CAST: variants seen among roughly 807,000 people sequenced by gnomAD.
The protein encoded by CAST is MIR583 host.
CAST carries 76 observed loss-of-function variants against 119.6 expected under a neutral mutation model. The ratio of observed to expected loss-of-function variants is 0.64; its 90% CI spans 0.53 to 0.77. The LOEUF (loss-of-function observed/expected upper bound fraction) is 0.77. Ranked by LOEUF, CAST falls within the 30% of genes least tolerant of loss-of-function variation. CAST has a pLI of 0.00. For synonymous variants in CAST, 319 were observed against 331.6 expected (o/e 0.96, Z 0.41); for missense variants, 953 against 946.5 (o/e 1.01, Z -0.09).
chr5:96,195,181 G>A, the CAST span, among the ~76,000 whole-genome samples: 2 of 152,142 alleles, frequency 1.3e-5, no homozygotes, highest in South Asian at 2.1e-4. Context: ...TCCAATAAAG[G>A]TTAACAAACT....
chr5:96,543,119 A>C (rs1177161070), intron 1 of CAST, among the ~76,000 whole-genome samples: 2 of 152,244 alleles, frequency 1.3e-5, no homozygotes, highest in East Asian at 3.8e-4. Flanking sequence ...AATAATAAAC[A>C]CTCGGAACCA....
chr5:96,262,424 C>T, the CAST span, among the ~76,000 whole-genome samples: 2 of 152,216 alleles, frequency 1.3e-5, no homozygotes. Flanking sequence ...AGATTAAAAT[C>T]AGGCTTTCAT....
chr5:96,161,710 G>A, the CAST span, among the ~76,000 whole-genome samples: 1 of 152,122 alleles, frequency 6.6e-6, no homozygotes, highest in Non-Finnish European at 1.5e-5. Flanking sequence ...CTTGTGGAGT[G>A]TTGCTATCCT....
chr5:96,649,086 G>A (rs1057424561), intron 1 of CAST, among the ~76,000 whole-genome samples: 1 of 152,092 alleles, frequency 6.6e-6, no homozygotes, highest in Non-Finnish European at 1.5e-5. Context: ...ATATAAAATT[G>A]CCTATATTCA....
the CAST span, among the ~76,000 whole-genome samples, chr5:96,382,422 G>T: frequency 4.9e-4 from 75 of 152,304 alleles, no homozygotes; most frequent in Non-Finnish European, 9.3e-4. Context: ...TCAGCATCTT[G>T]ACTACCACCC....
the CAST span, among the ~76,000 whole-genome samples, chr5:96,061,056 G>A: frequency 1.1e-4 from 17 of 152,110 alleles, no homozygotes; most frequent in African/African-American, 3.6e-4. Flanking sequence ...AGACCCAACC[G>A]TTAGGACTCC....
At chr5:96,435,942 A>G in the CAST span, among the ~76,000 whole-genome samples, 2 of 152,232 alleles carry the variant, frequency 1.3e-5, no homozygotes, top group African/African-American at 4.8e-5. Context: ...ATACTAAACA[A>G]TGTACCCAAT....
chr5:96,656,359 T>C (rs1325908900), intron 1 of CAST, among the ~76,000 whole-genome samples: 1 of 152,202 alleles, frequency 6.6e-6, no homozygotes, highest in African/African-American at 2.4e-5. Flanking sequence ...TTGAAGGCTA[T>C]AGCGTACGTC....
At chr5:96,671,644 G>A (rs1347955594) in intron 1 of CAST, among the ~76,000 whole-genome samples, 1 of 152,188 alleles carries the variant, frequency 6.6e-6, no homozygotes, top group African/African-American at 2.4e-5. Context: ...CTGGCACTGG[G>A]CCTAGCACAG....
At chr5:96,454,924 G>A in the CAST span, among the ~76,000 whole-genome samples, 1 of 152,146 alleles carries the variant, frequency 6.6e-6, no homozygotes, top group Non-Finnish European at 1.5e-5. Context: ...AGAGCCTTTG[G>A]CAAGCAACAG....
chr5:96,055,911 C>CT, the CAST span, among the ~76,000 whole-genome samples: 6 of 152,022 alleles, frequency 3.9e-5, no homozygotes, highest in Non-Finnish European at 8.8e-5. Flanking sequence ...CACAAATCAT[C>CT]TGACACATAT....
At chr5:96,039,531 A>G in the CAST span, among the ~76,000 whole-genome samples, 3 of 152,068 alleles carry the variant, frequency 2.0e-5, no homozygotes, top group African/African-American at 4.8e-5. Flanking sequence ...TCTTTTATCC[A>G]TCTTGAGTGA....
upstream of CAST, among the ~76,000 whole-genome samples, chr5:96,661,009 T>G (rs1413365042): frequency 6.6e-6 from 1 of 151,814 alleles, no homozygotes; most frequent in Non-Finnish European, 1.5e-5. Flanking sequence ...TTAAGAATGC[T>G]GCTAGCCTAT....
the CAST span, among the ~76,000 whole-genome samples, chr5:96,464,480 G>A: frequency 1.3e-5 from 2 of 151,914 alleles, no homozygotes; most frequent in African/African-American, 2.4e-5. Context: ...ATTCTTATAT[G>A]GTATTGCCAG....
chr5:96,718,443 G>C (rs1757570921), intron 3 of CAST, among the ~76,000 whole-genome samples: 1 of 152,046 alleles, frequency 6.6e-6, no homozygotes. Flanking sequence ...ATCAGGTACT[G>C]TGCTTATCAC....
At chr5:96,054,071 T>A in the CAST span, among the ~76,000 whole-genome samples, 5 of 152,196 alleles carry the variant, frequency 3.3e-5, no homozygotes, top group Non-Finnish European at 7.3e-5. Context: ...GAGAGCTGTG[T>A]GGTGATTCTA....
At chr5:96,766,340 C>G (rs1769956718) in intron 27 of CAST, among the ~76,000 whole-genome samples, 195 bp downstream of exon 27, 1 of 152,184 alleles carries the variant, frequency 6.6e-6, no homozygotes, top group Non-Finnish European at 1.5e-5. Context: ...TATGCATATG[C>G]TAGGCTCTGT....
At chr5:96,687,449 A>T (rs1752210051) in intron 2 of CAST, among the ~76,000 whole-genome samples, 1 of 152,222 alleles carries the variant, frequency 6.6e-6, no homozygotes, top group Non-Finnish European at 1.5e-5. Context: ...TTTATTGATA[A>T]ATGAATTCAT....
the CAST span, among the ~76,000 whole-genome samples, chr5:96,320,541 T>A: frequency 6.6e-6 from 1 of 152,122 alleles, no homozygotes; most frequent in African/African-American, 2.4e-5. Flanking sequence ...CCCGGTCGGC[T>A]TTTGCTTGAT....
Sources: gnomAD v4.1 joint callset for allele counts (sites outside exome capture counted in the v4.1 genomes callset) on GRCh38, gnomAD v4.1.1 for gene constraint, MANE v1.5 for transcripts, NCBI Gene and HGNC (gene_info 2026-07-23, HGNC 2026-07-21) for gene names.